The following VAMP4 variants were observed in gnomAD, a reference collection of about 807,000 sequenced individuals.
The protein encoded by VAMP4 is vesicle-associated membrane protein 4.
Under a neutral mutation model 23.5 loss-of-function variants are expected in VAMP4, and 19 were observed. The ratio of observed to expected loss-of-function variants is 0.81; its 90% confidence interval spans 0.56 to 1.19. The LOEUF (loss-of-function observed/expected upper bound fraction) is 1.19. VAMP4 is among the 50% of genes most tolerant of loss of function. The pLI is 0.00. For synonymous variants in VAMP4, 31 were observed against 51.0 expected (o/e 0.61, Z 1.67); for missense variants, 145 against 168.6 (o/e 0.86, Z 0.78).
intron 1 of VAMP4, 129 bp from the exon 2 acceptor site, chr1:171,738,592 C>A: frequency 1.7e-6 from 1 of 600,098 alleles, no homozygotes; most frequent in Non-Finnish European, 2.9e-6. Flanking sequence ...CCTGCCCTCT[C>A]ACTTGTTCCA....
At position 171,701,575 on chromosome 1, in the gene VAMP4, A is replaced by G. The variant is rs1654434631; in HGVS notation, c.*2931T>C. ...TGAAAGATGCCAATTTTTGCTATCA[A>G]AAGTGCTGAAGTTATAATTTCCTAA... On this transcript the variant is annotated 3_prime_UTR_variant, in exon 8 of 8. Transcript: ENST00000236192. 2 of 152,192 alleles carry G rather than the reference A, an allele frequency of 1.3e-5. No homozygotes were observed. The highest frequency in any genetic ancestry group is 2.1e-4 in the South Asian group (1 of 4,834). 9.4% of individuals were successfully genotyped at this position (152,192 alleles called of 1,614,324 possible).
chr1:171,716,871 T>C (rs1655036158), intron 4 of VAMP4, among the ~76,000 whole-genome samples: 1 of 152,200 alleles, frequency 6.6e-6, no homozygotes. Flanking sequence ...AATGCATGCT[T>C]GATGAACGAC....
rs539811295 is a variant in VAMP4 at position 171,702,750 on chromosome 1, A to C, written c.*1756T>G. 6.6e-6 allele frequency: 1 copy of C among 152,178 alleles called. No individual in the cohort carries two copies. The highest frequency in any genetic ancestry group is 1.9e-4 in the East Asian group (1 of 5,192). 9.4% of individuals were successfully genotyped at this position (152,178 alleles called of 1,614,324 possible). A position where few individuals can be genotyped will look rare whatever the true frequency, so the allele number is the denominator to read the frequency against. ...AACTTAAAAGATTTATTAGCTGTTC[A>C]GATGCTGTTTATATTAATTGACATT... On this transcript the variant is annotated 3_prime_UTR_variant, in exon 8 of 8. Transcript: ENST00000236192.
At position 171,701,032 on chromosome 1, in the gene VAMP4, C is replaced by A. The variant is rs1224356384; in HGVS notation, c.*3474G>T. ...CTCAAAGTATTAAAGAGGATCTAAA[C>A]CCTACATCAATCTAAAGCATTTAGA... On this transcript the variant is annotated 3_prime_UTR_variant, in exon 8 of 8. Coordinates refer to ENST00000236192, the MANE Select transcript of VAMP4 (RefSeq NM_003762.5). 2 of 151,990 alleles carry A rather than the reference C, an allele frequency of 1.3e-5. No individual in the cohort carries two copies. Among genetic ancestry groups the A allele is most frequent in the Non-Finnish European group, 2.9e-5 (2 of 68,006 alleles). 9.4% of individuals were successfully genotyped at this position (151,990 alleles called of 1,614,324 possible).
intron 4 of VAMP4, among the ~76,000 whole-genome samples, chr1:171,718,785 C>A (rs1201762126): frequency 6.6e-6 from 1 of 152,038 alleles, no homozygotes; most frequent in East Asian, 1.9e-4. Context: ...ATAAGGTAAT[C>A]AAGTCATAAA....
chr1:171,707,103 T>C lies in VAMP4; in HGVS notation c.346-685A>G, dbSNP rs537000790. Among the ~76,000 whole-genome samples the C allele has an allele frequency of 2.6e-5, 4 of 152,288 alleles. 1 individual carries two copies. Among genetic ancestry groups the C allele is most frequent in the African/African-American group, 7.2e-5 (3 of 41,584 alleles). ...ATGTTTACAGCTCCAAATGGCAGTA[T>C]TGTATTCATGCAAGTCCAAAGCTCT... On this transcript the variant is annotated intron_variant, in intron 6 of 7. Transcript: ENST00000236192.
intron 6 of VAMP4, among the ~76,000 whole-genome samples, chr1:171,708,274 A>G (rs1654728253): frequency 6.9e-6 from 1 of 144,192 alleles, no homozygotes; most frequent in Admixed American, 7.3e-5. Context: ...TAGGAGGCAG[A>G]GGTTGCAGTG....
At chr1:171,705,069 C>CTA (rs1024274324) in intron 7 of VAMP4, among the ~76,000 whole-genome samples, 68 of 152,030 alleles carry the variant, frequency 4.5e-4, no homozygotes, top group African/African-American at 1.5e-3. Context: ...ACTACAAACA[C>CTA]TAAATTAGTG....
rs911181181 is a variant in VAMP4, at chr1:171,701,195, T to G, written c.*3311A>C. 2 of 152,214 alleles carry G rather than the reference T, an allele frequency of 1.3e-5. No homozygotes were observed. Among genetic ancestry groups the G allele is most frequent in the African/African-American group, 4.8e-5 (2 of 41,460 alleles). The allele number at this position is 152,214 out of a possible 1,614,324, so 9.4% of individuals were successfully genotyped here. On this transcript the variant is annotated 3_prime_UTR_variant, in exon 8 of 8. Transcript: ENST00000236192. The stretch of plus-strand genomic sequence containing the variant: ...TTGTAAATGCTTTCAAACTGACTTA[T>G]GCTCTTACTCTCAACTCACAGAAAA...
chr1:171,736,464 G>C (rs191294944), intron 2 of VAMP4, among the ~76,000 whole-genome samples: 1 of 152,112 alleles, frequency 6.6e-6, no homozygotes, highest in African/African-American at 2.4e-5. Flanking sequence ...TTTCACCATG[G>C]CATGGAGGAA....
chr1:171,720,524 G>A (rs1192061167), intron 3 of VAMP4, among the ~76,000 whole-genome samples: 1 of 150,824 alleles, frequency 6.6e-6, no homozygotes, highest in Non-Finnish European at 1.5e-5. Flanking sequence ...GCATAAATTA[G>A]TAACAGGAAT....
rs1268891635 is a variant in VAMP4 at position 171,703,600 on chromosome 1, T to G, written c.*906A>C. 1 of 151,788 alleles carries G rather than the reference T, an allele frequency of 6.6e-6. No individual in the cohort carries two copies. Among genetic ancestry groups the G allele is most frequent in the Non-Finnish European group, 1.5e-5 (1 of 67,650 alleles). The allele number at this position is 151,788 out of a possible 1,614,324, so 9.4% of individuals were successfully genotyped here. A position where few individuals can be genotyped will look rare whatever the true frequency, so the allele number is the denominator to read the frequency against. ...AATTCAAAGTATTAATAGATGGTTT[T>G]GCTACTTTTTGTACTTTTGGTAAAT... On this transcript the variant is annotated 3_prime_UTR_variant, in exon 8 of 8. Coordinates refer to ENST00000236192, the MANE Select transcript of VAMP4 (RefSeq NM_003762.5).
intron 7 of VAMP4, 152 bp downstream of exon 7, chr1:171,706,215 G>C: frequency 1.7e-6 from 1 of 572,432 alleles, no homozygotes; most frequent in Non-Finnish European, 3.0e-6. Context: ...CATTTTCAGA[G>C]ATCAATAGAT....
intron 4 of VAMP4, among the ~76,000 whole-genome samples, chr1:171,717,696 T>C (rs765631149): frequency 1.3e-5 from 2 of 151,976 alleles, no homozygotes; most frequent in Non-Finnish European, 2.9e-5. Context: ...CAATCCTCCT[T>C]TGAAGGAGAA....
intron 3 of VAMP4, among the ~76,000 whole-genome samples, chr1:171,723,814 T>C (rs1333491412): frequency 2.0e-5 from 3 of 152,188 alleles, no homozygotes; most frequent in African/African-American, 4.8e-5. Flanking sequence ...GTGATAAATG[T>C]CCATGAAATC....
At chr1:171,706,248 C>A in intron 7 of VAMP4, 119 bp downstream of exon 7, 1 of 894,434 alleles carries the variant, frequency 1.1e-6, no homozygotes, top group East Asian at 2.6e-5. Context: ...TGAGACAGGT[C>A]AGAAGTCATT....
chr1:171,732,020 T>C (rs1655581090), intron 2 of VAMP4, among the ~76,000 whole-genome samples: 1 of 152,102 alleles, frequency 6.6e-6, no homozygotes, highest in Non-Finnish European at 1.5e-5. Flanking sequence ...AACAGTTACA[T>C]CAAAATCATA....
At position 171,731,264 on chromosome 1, in the gene VAMP4, T is replaced by G. The variant is rs530985021; in HGVS notation, c.67-2694A>C. On this transcript the variant is annotated intron_variant, in intron 2 of 7. Transcript: ENST00000236192. ...GGGAACATCACACACCGGGGCCTGT[T>G]GTGGGGTGGGGAGAAGGGGGAGTGA... is the stretch of plus-strand genomic sequence containing the variant. Among the ~76,000 whole-genome samples, 5 of 151,984 alleles carry G rather than the reference T, an allele frequency of 3.3e-5. No homozygotes were observed. The South Asian group carries it at 1.0e-3, about 32-fold the overall frequency.
Position 171,704,310 on chromosome 1 carries a change from T to G in VAMP4, c.*196A>C, listed in dbSNP as rs1188729347. On this transcript the variant is annotated 3_prime_UTR_variant, in exon 8 of 8. Coordinates refer to ENST00000236192, the MANE Select transcript of VAMP4 (RefSeq NM_003762.5). The stretch of plus-strand genomic sequence containing the variant: ...CTAGTTCTCTTTGCCTTAAACATAA[T>G]TATTAAAAGAACATTTTGTTAGAAA... 5.2e-6 allele frequency: 2 copies of G among 384,794 alleles called. No individual in the cohort carries two copies. Among genetic ancestry groups the G allele is most frequent in the Non-Finnish European group, 9.5e-6 (2 of 211,294 alleles). The allele number at this position is 384,794 out of a possible 1,614,324, so 23.8% of individuals were successfully genotyped here. A position where few individuals can be genotyped will look rare whatever the true frequency, so the allele number is the denominator to read the frequency against.
Sources: allele counts gnomAD v4.1 joint callset (sites outside exome capture counted in the v4.1 genomes callset), GRCh38; gene constraint gnomAD v4.1.1; transcripts MANE v1.5; gene names NCBI Gene and HGNC (gene_info 2026-07-23, HGNC 2026-07-21).